PCNX1: variants seen among roughly 807,000 people sequenced by gnomAD.
The protein encoded by PCNX1 is pecanex 1.
Under a neutral mutation model 242.2 loss-of-function variants are expected in PCNX1, and 78 were observed. The observed-to-expected ratio is 0.32, with a 90% confidence interval of 0.27 to 0.39. The LOEUF (loss-of-function observed/expected upper bound fraction) is 0.39, where lower values mean the gene tolerates loss of function less well. Ranked by LOEUF, PCNX1 falls within the 10% of genes least tolerant of loss-of-function variation. The probability of loss-of-function intolerance (pLI) is 1.00; values close to 1 mark genes in which losing one functional copy is unlikely to be tolerated. For missense variants in PCNX1, 2,581 were observed against 2,856.5 expected (o/e 0.90, Z 2.20); for synonymous variants, 1,024 against 1,032.9 (o/e 0.99, Z 0.17).
chr14:71,064,130 T>C (rs1282698065), intron 26 of PCNX1, among the ~76,000 whole-genome samples: 2 of 152,130 alleles, frequency 1.3e-5, no homozygotes, highest in East Asian at 3.8e-4. Context: ...CACTATGAAG[T>C]GACTGGAAGA....
intron 30 of PCNX1, chr14:71,092,519 A>ATTT (rs2062162251): frequency 1.3e-5 from 2 of 152,388 alleles, no homozygotes; most frequent in South Asian, 4.1e-4. Flanking sequence ...GCCAACCAAA[A>ATTT]GGCAGCAGAC....
At chr14:71,069,784 C>G (rs958643791) in intron 26 of PCNX1, among the ~76,000 whole-genome samples, 5 of 152,098 alleles carry the variant, frequency 3.3e-5, no homozygotes, top group African/African-American at 7.2e-5. Context: ...GGTCTTGCCC[C>G]GATGTTGATG....
chr14:71,076,844 T>C (rs1018016406), intron 28 of PCNX1, among the ~76,000 whole-genome samples: 4 of 152,266 alleles, frequency 2.6e-5, no homozygotes, highest in African/African-American at 9.6e-5. Flanking sequence ...GTTGGAAATA[T>C]GCTGTCACTG....
At chr14:70,943,825 G>T (rs540250642) in intron 1 of PCNX1, among the ~76,000 whole-genome samples, 1 of 152,352 alleles carries the variant, frequency 6.6e-6, no homozygotes, top group African/African-American at 2.4e-5. Context: ...TCTGGACTTG[G>T]TACCCTGCAT....
intron 7 of PCNX1, among the ~76,000 whole-genome samples, chr14:70,995,048 C>T (rs1034598198): frequency 3.9e-5 from 6 of 152,026 alleles, no homozygotes; most frequent in South Asian, 2.1e-4. Flanking sequence ...GTTATGGGAA[C>T]GTAACTAATA....
At chr14:71,074,743 C>T (rs1023883300) in intron 27 of PCNX1, among the ~76,000 whole-genome samples, 19 of 152,234 alleles carry the variant, frequency 1.2e-4, no homozygotes, top group Middle Eastern at 3.4e-3. Context: ...GACTCTTTAA[C>T]GGGAAGGGCA....
chr14:71,034,276 G>A (rs1439270648), intron 18 of PCNX1, among the ~76,000 whole-genome samples: 2 of 152,012 alleles, frequency 1.3e-5, no homozygotes, highest in East Asian at 3.9e-4. Flanking sequence ...TTTAGGTCAG[G>A]TGAAATTAAG....
chr14:71,106,512 T>C (rs2062626111), intron 33 of PCNX1, among the ~76,000 whole-genome samples: 1 of 151,784 alleles, frequency 6.6e-6, no homozygotes. Flanking sequence ...AGAATAAGAC[T>C]CTTGATATAT....
At chr14:71,079,015 A>T (rs917584494) in intron 28 of PCNX1, among the ~76,000 whole-genome samples, 1 of 152,010 alleles carries the variant, frequency 6.6e-6, no homozygotes, top group Non-Finnish European at 1.5e-5. Flanking sequence ...CTACACCCCG[A>T]CAGGCCCCGG....
Position 70,969,082 on chromosome 14 carries a change from T to G in PCNX1, c.576T>G (p.Ser192Arg). 1 of 1,608,788 alleles carries G rather than the reference T, an allele frequency of 6.2e-7. No homozygotes were observed. The highest frequency in any genetic ancestry group is 8.5e-7 in the Non-Finnish European group (1 of 1,175,232). The change falls in exon 5 of 36, where the codon AGT (serine) becomes AGG (arginine). Residue 192 changes from serine (S) to arginine (R), a missense_variant. Coordinates refer to ENST00000304743, the MANE Select transcript of PCNX1 (RefSeq NM_014982.3). ...DISLSLGQSSSLCKEGSEEQD... is the reference protein window; with the variant it reads ...DISLSLGQSSRLCKEGSEEQD... ...GTTTAAGTCTGGGCCAAAGTTCTAG[T>G]CTTTGTAAGGAAGGAAGTGAAGAAC...
At chr14:71,021,530 T>C (rs187070463) in intron 12 of PCNX1, among the ~76,000 whole-genome samples, 13 of 152,288 alleles carry the variant, frequency 8.5e-5, no homozygotes, top group African/African-American at 2.9e-4. Flanking sequence ...GTCCATCCTT[T>C]CTTTCTCTTC....
intron 2 of PCNX1, among the ~76,000 whole-genome samples, chr14:70,948,356 T>A (rs1235025215): frequency 6.6e-6 from 1 of 152,130 alleles, no homozygotes; most frequent in Non-Finnish European, 1.5e-5. Context: ...TTTGTACTCT[T>A]TCCCTTTATT....
intron 11 of PCNX1, among the ~76,000 whole-genome samples, chr14:71,014,553 C>T (rs1237269177): frequency 1.3e-5 from 2 of 152,130 alleles, no homozygotes; most frequent in Admixed American, 6.6e-5. Flanking sequence ...CCAAATCAAA[C>T]TTAGAGAGTT....
At position 70,907,829 on chromosome 14, in the gene PCNX1, A is replaced by C. The variant is rs560327711; in HGVS notation, c.-22A>C. The C allele has an allele frequency of 1.2e-5, 15 of 1,252,052 alleles. No individual in the cohort carries two copies. Among genetic ancestry groups the C allele is most frequent in the South Asian group, 1.0e-4 (3 of 29,278 alleles). The allele number at this position is 1,252,052 out of a possible 1,614,324, so 77.6% of individuals were successfully genotyped here. A position where few individuals can be genotyped will look rare whatever the true frequency, so the allele number is the denominator to read the frequency against. Reference sequence around the variant, plus strand: ...GGGGACGGCGGCGGCGGCGGCGGCGACGGCGGCGGCGCCGGGTGGGGATGG... The same window carrying C: ...GGGGACGGCGGCGGCGGCGGCGGCGCCGGCGGCGGCGCCGGGTGGGGATGG... On this transcript the variant is annotated 5_prime_UTR_variant, in exon 1 of 36. Transcript: ENST00000304743.
chr14:70,929,530 T>C (rs1218744425), intron 1 of PCNX1, among the ~76,000 whole-genome samples: 1 of 152,218 alleles, frequency 6.6e-6, no homozygotes, highest in Non-Finnish European at 1.5e-5. Flanking sequence ...TAACTGTTAC[T>C]AGGGTTATAA....
At chr14:71,041,888 T>A (rs187363980) in intron 19 of PCNX1, among the ~76,000 whole-genome samples, 70 of 152,276 alleles carry the variant, frequency 4.6e-4, no homozygotes, top group Non-Finnish European at 7.4e-4. Context: ...GTATTTTCAT[T>A]TGTATTGGAA....
intron 2 of PCNX1, among the ~76,000 whole-genome samples, chr14:70,960,953 T>G (rs571546861): frequency 0.012 from 1,799 of 152,234 alleles, 38 homozygotes; most frequent in African/African-American, 0.041. Flanking sequence ...GAATCCAACT[T>G]ACAAGGGATG....
intron 1 of PCNX1, among the ~76,000 whole-genome samples, chr14:70,929,169 T>G (rs1388184854): frequency 6.6e-5 from 10 of 152,166 alleles, no homozygotes. Flanking sequence ...AATTATTATT[T>G]CTTTTGTTCT....
At chr14:71,028,492 C>T (rs561951095) in intron 15 of PCNX1, among the ~76,000 whole-genome samples, 1 of 151,844 alleles carries the variant, frequency 6.6e-6, no homozygotes, top group African/African-American at 2.4e-5. Context: ...CATATTTTAT[C>T]TCGTAACAAA....
Sources: allele counts gnomAD v4.1 joint callset (sites outside exome capture counted in the v4.1 genomes callset), GRCh38; gene constraint gnomAD v4.1.1; transcripts MANE v1.5; gene names NCBI Gene and HGNC (gene_info 2026-07-23, HGNC 2026-07-21).